GPC6: variants seen among roughly 807,000 people sequenced by gnomAD.
GPC6 encodes the protein glypican 6, also known as glypican-6.
In GPC6, 14 loss-of-function variants were observed where a neutral mutation model predicts 55.2. The observed-to-expected ratio is 0.25, with a 90% CI of 0.17 to 0.40. The LOEUF is 0.40. Ranked by LOEUF, GPC6 falls within the 10% of genes least tolerant of loss-of-function variation. The pLI, the probability that GPC6 is intolerant of heterozygous loss-of-function variation, is 1.00. For synonymous variants in GPC6, 278 were observed against 259.6 expected, an observed-to-expected ratio of 1.07 and a Z score of -0.68; for missense variants, 641 against 708.5, an observed-to-expected ratio of 0.90 and a Z score of 1.08.
At chr13:93,438,439 T>G (rs1214801930) in intron 1 of GPC6, among the ~76,000 whole-genome samples, 2 of 152,156 alleles carry the variant, frequency 1.3e-5, no homozygotes, top group South Asian at 2.1e-4. Context: ...AAGAGTCAAA[T>G]GATCAATATT....
intron 2 of GPC6, among the ~76,000 whole-genome samples, chr13:93,752,702 T>G (rs980225714): frequency 6.6e-6 from 1 of 152,098 alleles, no homozygotes; most frequent in Non-Finnish European, 1.5e-5. Flanking sequence ...TTCTCTGCTG[T>G]CATCCCCACA....
chr13:93,778,265 C>T lies in GPC6; in HGVS notation c.320-51889C>T, dbSNP rs1379355456. On this transcript the variant is annotated intron_variant, in intron 2 of 8. Coordinates refer to ENST00000377047, the MANE Select transcript of GPC6 (RefSeq NM_005708.5). ...TGTTCTCCTTTGACAGATTTTTTTT[C>T]TCTTCCTAATATCTCTGTTAAGGCA... Among the ~76,000 whole-genome samples, 7 of 151,884 alleles carry T rather than the reference C, an allele frequency of 4.6e-5. No individual in the cohort carries two copies. In the East Asian group the frequency reaches 1.4e-3, roughly 29 times the overall value.
intron 2 of GPC6, among the ~76,000 whole-genome samples, chr13:93,730,994 A>G (rs9301903): frequency 0.96 from 145,965 of 152,214 alleles, 70,033 homozygotes; most frequent in African/African-American, 0.99. Flanking sequence ...CTCTTGAAAG[A>G]TCAGGACAAA....
intron 2 of GPC6, among the ~76,000 whole-genome samples, chr13:93,557,671 A>C (rs1012057875): frequency 3.9e-5 from 6 of 152,186 alleles, no homozygotes; most frequent in Admixed American, 2.6e-4. Context: ...GTCCCCCTAC[A>C]AATAGCAGAT....
intron 2 of GPC6, among the ~76,000 whole-genome samples, chr13:93,615,591 T>A (rs139297323): frequency 6.6e-6 from 1 of 152,246 alleles, no homozygotes; most frequent in East Asian, 1.9e-4. Context: ...AACATAGTTA[T>A]CCTGGAAAAG....
chr13:93,910,235 G>A (rs1876894978), intron 3 of GPC6, among the ~76,000 whole-genome samples: 1 of 152,140 alleles, frequency 6.6e-6, no homozygotes. Flanking sequence ...TCTTATGATA[G>A]TGAATAAGTC....
intron 2 of GPC6, among the ~76,000 whole-genome samples, chr13:93,689,834 A>C (rs1882189854): frequency 6.6e-6 from 1 of 152,158 alleles, no homozygotes; most frequent in Non-Finnish European, 1.5e-5. Context: ...TTGATTATAC[A>C]TTTAAATACA....
chr13:94,174,123 A>C lies in GPC6; in HGVS notation c.878-112226A>C, dbSNP rs1888665760. On this transcript the variant is annotated intron_variant, in intron 4 of 8. Transcript: ENST00000377047. Reference sequence around the variant, plus strand: ...CATGTACTACTGTAGGTTGGCAGGCAGGGCACAAGATTACTAAATTTTGCA... The same window carrying C: ...CATGTACTACTGTAGGTTGGCAGGCCGGGCACAAGATTACTAAATTTTGCA... Among the ~76,000 whole-genome samples the C allele has an allele frequency of 3.9e-5, 6 of 152,208 alleles. No individual in the cohort carries two copies. In the South Asian group the frequency reaches 1.2e-3, roughly 31 times the overall value.
intron 4 of GPC6, among the ~76,000 whole-genome samples, chr13:94,139,964 A>T (rs1887317840): frequency 6.6e-6 from 1 of 152,098 alleles, no homozygotes; most frequent in Admixed American, 6.6e-5. Flanking sequence ...CCCTTCCCAG[A>T]ACCCTCAGGA....
chr13:94,276,539 C>T (rs1594123132), intron 4 of GPC6, among the ~76,000 whole-genome samples: 1 of 152,178 alleles, frequency 6.6e-6, no homozygotes, highest in Non-Finnish European at 1.5e-5. Context: ...CATAGGTATA[C>T]ATGTGCCATG....
At position 94,126,541 on chromosome 13, in the gene GPC6, A is replaced by G. The variant is rs140316595; in HGVS notation, c.877+98647A>G. Reference sequence around the variant, plus strand: ...AAAGTTGAACTGCCAATTTGTTTTCAAAGAGTTGAGGTTCTCTAAAATTAA... The same window carrying G: ...AAAGTTGAACTGCCAATTTGTTTTCGAAGAGTTGAGGTTCTCTAAAATTAA... On this transcript the variant is annotated intron_variant, in intron 4 of 8. Transcript: ENST00000377047. 2.3e-3 allele frequency among the ~76,000 whole-genome samples: 348 copies of G among 152,292 alleles called. 2 individuals are homozygous for G. Among genetic ancestry groups the G allele is most frequent in the African/African-American group, 8.2e-3 (340 of 41,560 alleles).
intron 1 of GPC6, among the ~76,000 whole-genome samples, chr13:93,336,987 A>G (rs1379694467): frequency 6.6e-6 from 1 of 152,182 alleles, no homozygotes; most frequent in Non-Finnish European, 1.5e-5. Flanking sequence ...CGTATTTAAC[A>G]TGTTAACTTT....
chr13:93,554,452 A>G (rs138984842), intron 2 of GPC6, among the ~76,000 whole-genome samples: 209 of 152,280 alleles, frequency 1.4e-3, no homozygotes, highest in African/African-American at 4.8e-3. Flanking sequence ...ATGAGGCTTA[A>G]TCTTTAAATC....
chr13:93,722,123 T>C (rs1260975808), intron 2 of GPC6, among the ~76,000 whole-genome samples: 1 of 151,614 alleles, frequency 6.6e-6, no homozygotes, highest in African/African-American at 2.4e-5. Context: ...AAATAGTAAA[T>C]ATGCAAAAAA....
intron 6 of GPC6, 85 bp downstream of exon 6, chr13:94,306,208 G>C (rs1221059317): frequency 9.5e-6 from 14 of 1,466,884 alleles, no homozygotes; most frequent in Non-Finnish European, 1.2e-5. Context: ...TTCTGGAAAA[G>C]TTTGTTATAA....
chr13:93,421,087 C>T (rs899123121), intron 1 of GPC6, among the ~76,000 whole-genome samples: 2 of 152,044 alleles, frequency 1.3e-5, no homozygotes, highest in Admixed American at 6.6e-5. Flanking sequence ...GATTGAGTGA[C>T]GGCGGCGTGG....
chr13:94,349,096 G>A (rs527598665), intron 6 of GPC6, among the ~76,000 whole-genome samples: 41 of 152,208 alleles, frequency 2.7e-4, no homozygotes, highest in South Asian at 1.0e-3. Flanking sequence ...GTGGAACCTC[G>A]AAAAGCCCCA....
At chr13:94,098,573 A>G (rs1885746026) in intron 4 of GPC6, among the ~76,000 whole-genome samples, 1 of 152,190 alleles carries the variant, frequency 6.6e-6, no homozygotes, top group African/African-American at 2.4e-5. Context: ...TCTCCATTAA[A>G]TAGGTCCATT....
At chr13:93,658,982 A>C (rs1880808361) in intron 2 of GPC6, among the ~76,000 whole-genome samples, 1 of 151,918 alleles carries the variant, frequency 6.6e-6, no homozygotes, top group African/African-American at 2.4e-5. Context: ...AAATTTCATC[A>C]GTAAAAGCAT....
Sources: gnomAD v4.1 joint callset for allele counts (sites outside exome capture counted in the v4.1 genomes callset) on GRCh38, gnomAD v4.1.1 for gene constraint, MANE v1.5 for transcripts, NCBI Gene and HGNC (gene_info 2026-07-23, HGNC 2026-07-21) for gene names.